RAP1GDS1: variants seen among roughly 807,000 people sequenced by gnomAD.
The protein encoded by RAP1GDS1 is RAP1, GTP-GDP dissociation stimulator 1.
A neutral mutation model predicts 71.1 loss-of-function variants in RAP1GDS1; 35 were observed. That is an observed-to-expected ratio of 0.49 (90% CI 0.38 to 0.65). The LOEUF (loss-of-function observed/expected upper bound fraction) is 0.65. Ranked by LOEUF, RAP1GDS1 falls within the 30% of genes least tolerant of loss-of-function variation. RAP1GDS1 has a pLI of 0.00. For synonymous variants in RAP1GDS1, 229 were observed against 243.1 expected (o/e 0.94, Z 0.54); for missense variants, 663 against 706.1 (o/e 0.94, Z 0.69).
intron 2 of RAP1GDS1, among the ~76,000 whole-genome samples, chr4:98,298,709 A>C (rs1578348600): frequency 6.6e-6 from 1 of 152,180 alleles, no homozygotes; most frequent in Non-Finnish European, 1.5e-5. Flanking sequence ...GATAAATGTT[A>C]TTTTTGTGCC....
At chr4:98,333,939 T>C (rs1734348068) in intron 2 of RAP1GDS1, among the ~76,000 whole-genome samples, 1 of 152,162 alleles carries the variant, frequency 6.6e-6, no homozygotes, top group African/African-American at 2.4e-5. Context: ...TATAGTGTTA[T>C]GGCCTTAAAA....
intron 2 of RAP1GDS1, among the ~76,000 whole-genome samples, chr4:98,323,201 A>C (rs995054582): frequency 2.1e-5 from 3 of 144,558 alleles, no homozygotes; most frequent in Admixed American, 6.9e-5. Flanking sequence ...TGACACATAC[A>C]CTCTCCCAAG....
chr4:98,359,218 C>G (rs903744676), intron 4 of RAP1GDS1, among the ~76,000 whole-genome samples: 4 of 151,914 alleles, frequency 2.6e-5, no homozygotes, highest in African/African-American at 9.7e-5. Context: ...AGTGGGAATT[C>G]GTATTTGTTG....
chr4:98,387,442 A>T (rs1742939329), intron 5 of RAP1GDS1: 1 of 456,024 alleles, frequency 2.2e-6, no homozygotes, highest in Non-Finnish European at 4.4e-6. Flanking sequence ...CCAGATCTCC[A>T]TTCTTTGGAG....
chr4:98,292,381 A>C (rs1341145062), intron 1 of RAP1GDS1, among the ~76,000 whole-genome samples: 1 of 151,936 alleles, frequency 6.6e-6, no homozygotes, highest in African/African-American at 2.4e-5. Context: ...TGATCCTTCC[A>C]CCTTGGCCTC....
At chr4:98,300,387 ATAGTG>A (rs528157426) in intron 2 of RAP1GDS1, among the ~76,000 whole-genome samples, 1,678 of 152,162 alleles carry the variant, frequency 0.011, 19 homozygotes, top group Non-Finnish European at 0.017. Context: ...AGACTACAGT[ATAGTG>A]TAGACAGAAC....
chr4:98,311,463 A>G (rs577352836), intron 2 of RAP1GDS1, among the ~76,000 whole-genome samples: 1 of 152,238 alleles, frequency 6.6e-6, no homozygotes, highest in Non-Finnish European at 1.5e-5. Flanking sequence ...ATTTACTTAC[A>G]TTCTAAACAA....
rs1751801102 is a variant in RAP1GDS1, at chr4:98,441,117, G to A, written c.1697-873G>A. ...TTTTCAAGATTGTTTTGGAGATTTA[G>A]GGTCCCTTGAGATTCCATATGAATT... On this transcript the variant is annotated intron_variant, in intron 14 of 14. Coordinates refer to ENST00000408927, the MANE Select transcript of RAP1GDS1 (RefSeq NM_001100427.2). Among the ~76,000 whole-genome samples, 4 of 152,262 alleles carry A rather than the reference G, an allele frequency of 2.6e-5. No individual in the cohort carries two copies. The South Asian group carries it at 8.3e-4, about 32-fold the overall frequency.
intron 3 of RAP1GDS1, among the ~76,000 whole-genome samples, chr4:98,348,110 C>T (rs534075515): frequency 7.0e-4 from 106 of 152,054 alleles, no homozygotes; most frequent in African/African-American, 2.4e-3. Context: ...TGCTATCCCT[C>T]CCCCGTACCC....
At chr4:98,282,351 TC>T (rs1185086360) in intron 1 of RAP1GDS1, among the ~76,000 whole-genome samples, 3 of 152,172 alleles carry the variant, frequency 2.0e-5, no homozygotes, top group African/African-American at 7.2e-5. Flanking sequence ...GGTGTATGTG[TC>T]CAGGAATTTA....
At chr4:98,298,178 A>G (rs192939539) in intron 2 of RAP1GDS1, among the ~76,000 whole-genome samples, 11 of 152,334 alleles carry the variant, frequency 7.2e-5, no homozygotes, top group Non-Finnish European at 1.0e-4. Context: ...CATGAGGTTT[A>G]AGGAAAGAAG....
At chr4:98,326,669 C>T (rs1003287739) in intron 2 of RAP1GDS1, among the ~76,000 whole-genome samples, 1 of 152,070 alleles carries the variant, frequency 6.6e-6, no homozygotes, top group African/African-American at 2.4e-5. Flanking sequence ...ACCCATTTCC[C>T]TTCCTTTTCT....
At chr4:98,288,717 C>A (rs963935027) in intron 1 of RAP1GDS1, among the ~76,000 whole-genome samples, 2 of 152,124 alleles carry the variant, frequency 1.3e-5, no homozygotes, top group African/African-American at 4.8e-5. Context: ...TTTTAATGAT[C>A]GCCATTCTAA....
chr4:98,307,164 G>A (rs963140269), intron 2 of RAP1GDS1, among the ~76,000 whole-genome samples: 1 of 151,434 alleles, frequency 6.6e-6, no homozygotes, highest in Non-Finnish European at 1.5e-5. Flanking sequence ...CTAATACAAT[G>A]TGTTGTTTAA....
intron 1 of RAP1GDS1, among the ~76,000 whole-genome samples, chr4:98,289,942 A>G (rs1726682315): frequency 6.6e-6 from 1 of 152,020 alleles, no homozygotes; most frequent in Admixed American, 6.6e-5. Flanking sequence ...TGATGCTTTC[A>G]AAGTAAAGCT....
At chr4:98,396,529 G>C (rs918138416) in intron 6 of RAP1GDS1, 2 of 152,188 alleles carry the variant, frequency 1.3e-5, no homozygotes, top group African/African-American at 4.8e-5. Flanking sequence ...TATGTTAAAA[G>C]ATAAATATGC....
intron 12 of RAP1GDS1, among the ~76,000 whole-genome samples, chr4:98,423,731 A>C (rs1749212341): frequency 3.9e-5 from 6 of 151,946 alleles, no homozygotes; most frequent in Admixed American, 2.6e-4. Flanking sequence ...TTTAGTAGAG[A>C]CGGGGTTTCT....
At chr4:98,435,928 G>A (rs1039946552) in intron 13 of RAP1GDS1, among the ~76,000 whole-genome samples, 12 of 151,426 alleles carry the variant, frequency 7.9e-5, no homozygotes, top group Non-Finnish European at 1.0e-4. Context: ...AAAATTAGCC[G>A]GGAGCGGTGG....
intron 2 of RAP1GDS1, among the ~76,000 whole-genome samples, chr4:98,311,109 A>G (rs1426555897): frequency 6.6e-6 from 1 of 152,198 alleles, no homozygotes; most frequent in African/African-American, 2.4e-5. Context: ...CCAATATGCT[A>G]ATTTATGGAT....
Sources: allele counts gnomAD v4.1 joint callset (sites outside exome capture counted in the v4.1 genomes callset), GRCh38; gene constraint gnomAD v4.1.1; transcripts MANE v1.5; gene names NCBI Gene and HGNC (gene_info 2026-07-23, HGNC 2026-07-21).